The following VRK1 variants were observed in gnomAD, a reference collection of about 807,000 sequenced individuals.
VRK1 encodes the protein VRK serine/threonine kinase 1.
A neutral mutation model predicts 57.1 loss-of-function variants in VRK1; 33 were observed. That is an observed-to-expected ratio of 0.58 (90% CI 0.44 to 0.77). The LOEUF (loss-of-function observed/expected upper bound fraction) is 0.77, where lower values mean the gene tolerates loss of function less well. VRK1 is among the 30% of genes least tolerant of loss of function. VRK1 has a pLI of 0.00. For synonymous variants in VRK1, 137 were observed against 147.8 expected, an observed-to-expected ratio of 0.93 and a Z score of 0.53; for missense variants, 413 against 477.3, an observed-to-expected ratio of 0.87 and a Z score of 1.25.
chr14:96,807,925 C>G (rs979370983), intron 1 of VRK1, among the ~76,000 whole-genome samples: 6 of 152,032 alleles, frequency 3.9e-5, no homozygotes, highest in African/African-American at 1.5e-4. Context: ...GTCACTCTCT[C>G]TGTCTCTCTC....
chr14:96,835,784 T>TC (rs1401791817), intron 2 of VRK1, among the ~76,000 whole-genome samples: 1 of 152,184 alleles, frequency 6.6e-6, no homozygotes, highest in Non-Finnish European at 1.5e-5. Context: ...TTCATTTCTC[T>TC]CCATCTTTGC....
At chr14:96,804,637 G>A (rs1885798425) in intron 1 of VRK1, among the ~76,000 whole-genome samples, 1 of 152,198 alleles carries the variant, frequency 6.6e-6, no homozygotes, top group African/African-American at 2.4e-5. Context: ...TTAGGAAGGT[G>A]CTGTATATTC....
chr14:96,845,546 G>A (rs1887648316), intron 3 of VRK1, among the ~76,000 whole-genome samples: 1 of 152,180 alleles, frequency 6.6e-6, no homozygotes, highest in East Asian at 1.9e-4. Flanking sequence ...GTGTCAGAAA[G>A]GAAGGATGCA....
In VRK1 at chr14:96,881,192, A is replaced by G. The variant is rs759541730; in HGVS notation, c.1175A>G (p.Lys392Arg). Residue 392 changes from lysine to arginine, a missense_variant, in exon 13 of 13, where the codon AAG becomes AGG. By Grantham distance (26) the Lys-to-Arg change is conservative. Around this residue, in one of 3 missense-constraint regions of VRK1, gnomAD observed 146 missense variants for 138.2 expected, o/e 1.06. Transcript: ENST00000216639. ...EAIQTRSRTR[K>R]RVQK ...TTTCTTCAAGGTTCAAGAACCAGAA[A>G]GAGAGTCCAGAAGTAATTCAGATGC... 1.2e-6 allele frequency: 2 copies of G among 1,605,784 alleles called. No homozygotes were observed. Among genetic ancestry groups the G allele is most frequent in the Non-Finnish European group, 1.7e-6 (2 of 1,175,534 alleles).
At chr14:96,869,136 G>A (rs1888710537) in intron 11 of VRK1, among the ~76,000 whole-genome samples, 1 of 152,258 alleles carries the variant, frequency 6.6e-6, no homozygotes, top group South Asian at 2.1e-4. Context: ...TCTTTCAGTT[G>A]AAATAAGAGT....
intron 1 of VRK1, among the ~76,000 whole-genome samples, chr14:96,832,032 CTT>C (rs34003297): frequency 0.047 from 7,132 of 152,096 alleles, 186 homozygotes; most frequent in Non-Finnish European, 0.063. Flanking sequence ...ATAAGAGACA[CTT>C]TTATTTATTT....
chr14:96,810,320 A>T (rs1395068961), intron 1 of VRK1, among the ~76,000 whole-genome samples: 1 of 152,224 alleles, frequency 6.6e-6, no homozygotes, highest in Non-Finnish European at 1.5e-5. Flanking sequence ...TCTGAATTTT[A>T]ATCAATTCCA....
At chr14:96,807,004 C>T (rs932672848) in intron 1 of VRK1, among the ~76,000 whole-genome samples, 4 of 152,208 alleles carry the variant, frequency 2.6e-5, no homozygotes, top group African/African-American at 9.7e-5. Context: ...ATCACATGGT[C>T]TGGTCTATGA....
At position 96,856,514 on chromosome 14, in the gene VRK1, T is replaced by C; in HGVS notation, c.831-14T>C. The C allele has an allele frequency of 1.2e-6, 2 of 1,607,992 alleles. No individual in the cohort carries two copies. ...ACATCAAGCTTCAGTGACTCATTCT[T>C]TAATTTTTAACAGATACAGAGAAAA... On this transcript the variant is annotated splice_polypyrimidine_tract_variant and intron_variant, in intron 9 of 12. Coordinates refer to ENST00000216639, the MANE Select transcript of VRK1 (RefSeq NM_003384.3).
chr14:96,800,065 G>C (rs748221712), intron 1 of VRK1, among the ~76,000 whole-genome samples: 2 of 151,480 alleles, frequency 1.3e-5, no homozygotes, highest in Non-Finnish European at 2.9e-5. Context: ...GTTTAATAAA[G>C]GTACAAGATT....
intron 3 of VRK1, among the ~76,000 whole-genome samples, chr14:96,845,211 C>CT (rs34710890): frequency 0.36 from 54,126 of 151,988 alleles, 10,803 homozygotes; most frequent in East Asian, 0.84. Context: ...GCTTTAAAAA[C>CT]TTTTTTTAAT....
intron 1 of VRK1, among the ~76,000 whole-genome samples, chr14:96,807,931 C>G (rs367599703): frequency 2.6e-5 from 4 of 151,966 alleles, no homozygotes; most frequent in Admixed American, 6.6e-5. Flanking sequence ...CTCTCTGTCT[C>G]TCTCTTTCTC....
chr14:96,860,731 CAA>C lies in VRK1; in HGVS notation c.1066_1067del (p.Lys356GlufsTer7). The C allele has an allele frequency of 5.6e-6, 9 of 1,612,056 alleles. No individual in the cohort carries two copies. The highest frequency in any genetic ancestry group is 7.6e-6 in the Non-Finnish European group (9 of 1,179,014). On this transcript the variant is annotated frameshift_variant and splice_region_variant, in exon 11 of 13. Transcript: ENST00000216639. LOFTEE classifies it high-confidence loss of function. Reference sequence around the variant, plus strand: ...GGAGGTTTGAAAGCAAAAACAATAACAAAGGTGAATTTTGTTATTAAATTATT... The same window carrying C: ...GGAGGTTTGAAAGCAAAAACAATAACAGGTGAATTTTGTTATTAAATTATT...
intron 1 of VRK1, among the ~76,000 whole-genome samples, chr14:96,826,990 GAC>G (rs1595655346): frequency 6.6e-6 from 1 of 152,112 alleles, no homozygotes; most frequent in South Asian, 2.1e-4. Context: ...GGGAACCTGA[GAC>G]ACAGATGTCA....
At chr14:96,840,864 T>A (rs1887430079) in intron 3 of VRK1, among the ~76,000 whole-genome samples, 1 of 151,942 alleles carries the variant, frequency 6.6e-6, no homozygotes, top group South Asian at 2.1e-4. Context: ...TGAACTTTTT[T>A]TTTTTTTTTG....
rs187046737 is a variant in VRK1 at position 96,820,112 on chromosome 14, A to G, written c.-5-13355A>G. Reference sequence around the variant, plus strand: ...TGCTTTGGAGCTTCTTCTCAGTCCAACCACTAAGCTTGTTGTTGCCGATTG... The same window carrying G: ...TGCTTTGGAGCTTCTTCTCAGTCCAGCCACTAAGCTTGTTGTTGCCGATTG... On this transcript the variant is annotated intron_variant, in intron 1 of 12. Coordinates refer to ENST00000216639, the MANE Select transcript of VRK1 (RefSeq NM_003384.3). 8.6e-5 allele frequency among the ~76,000 whole-genome samples: 13 copies of G among 150,956 alleles called. No homozygotes were observed. The South Asian group carries it at 1.1e-3, about 12-fold the overall frequency.
Position 96,857,446 on chromosome 14 carries a change from G to A in VRK1, c.889+860G>A, listed in dbSNP as rs1422753843. Among the ~76,000 whole-genome samples the A allele has an allele frequency of 1.3e-5, 2 of 152,124 alleles. 1 individual carries two copies. The highest frequency in any genetic ancestry group is 2.9e-5 in the Non-Finnish European group (2 of 68,022). ...GCAGAAGGGACACTAGTGCCCAGGA[G>A]ATGCGAGGACTGTGTCTTCATAGGT... On this transcript the variant is annotated intron_variant, in intron 10 of 12. Transcript: ENST00000216639.
chr14:96,853,272 G>T (rs755203269), intron 7 of VRK1, 106 bp downstream of exon 7: 129 of 910,374 alleles, frequency 1.4e-4, no homozygotes, highest in Non-Finnish European at 2.0e-4. Context: ...TTTTGAAGTA[G>T]ATATGGTAAT....
At chr14:96,855,051 A>G (rs935256853) in intron 7 of VRK1, among the ~76,000 whole-genome samples, 173 bp from the exon 8 acceptor site, 34 of 152,222 alleles carry the variant, frequency 2.2e-4, no homozygotes, top group African/African-American at 8.2e-4. Flanking sequence ...AAAGCCTTTC[A>G]GAATTAAGTA....
Sources: allele counts gnomAD v4.1 joint callset (sites outside exome capture counted in the v4.1 genomes callset), GRCh38; gene constraint gnomAD v4.1.1; regional missense constraint gnomAD v4.1.1; transcripts MANE v1.5; gene names NCBI Gene and HGNC (gene_info 2026-07-23, HGNC 2026-07-21).